The following TMPRSS11D variants were observed in gnomAD, a reference collection of about 807,000 sequenced individuals.
TMPRSS11D encodes the protein transmembrane protease serine 11D.
TMPRSS11D carries 32 observed loss-of-function variants against 44.4 expected under a neutral mutation model. That is an observed-to-expected ratio of 0.72 (90% CI 0.54 to 0.97). The LOEUF is 0.97. Among genes scored for constraint, TMPRSS11D ranks in the 50% least tolerant of loss-of-function variants. The probability of loss-of-function intolerance (pLI) is 0.00; values close to 1 mark genes in which losing one functional copy is unlikely to be tolerated. For synonymous variants in TMPRSS11D, 179 were observed against 177.9 expected (o/e 1.01, Z -0.05); for missense variants, 446 against 502.6 (o/e 0.89, Z 1.08).
intron 3 of TMPRSS11D, among the ~76,000 whole-genome samples, chr4:67,845,645 C>A (rs1420020590): frequency 6.6e-6 from 1 of 152,080 alleles, no homozygotes; most frequent in Admixed American, 6.6e-5. Flanking sequence ...TATTTTGTAA[C>A]CTGTACTGCT....
At chr4:67,857,298 TATATATATATATATATATATATATAC>T (rs1481394379) in intron 2 of TMPRSS11D, among the ~76,000 whole-genome samples, 10 of 2,796 alleles carry the variant, frequency 3.6e-3, no homozygotes, top group African/African-American at 4.5e-3. Flanking sequence ...TATATATATA[TATATATATATATATATATATATATAC>T]ACACACACAC....
intron 7 of TMPRSS11D, 132 bp from the exon 8 acceptor site, chr4:67,827,652 C>T: frequency 9.8e-7 from 1 of 1,019,054 alleles, no homozygotes; most frequent in Non-Finnish European, 1.4e-6. Context: ...TATTTTCCTG[C>T]ATTATAAGCT....
At chr4:67,858,564 A>G (rs1236640997) in intron 2 of TMPRSS11D, among the ~76,000 whole-genome samples, 1 of 152,144 alleles carries the variant, frequency 6.6e-6, no homozygotes, top group Admixed American at 6.6e-5. Flanking sequence ...TTATTGCACC[A>G]TTGGAAGTAT....
At chr4:67,877,516 C>T (rs914083737) in intron 1 of TMPRSS11D, among the ~76,000 whole-genome samples, 1 of 152,138 alleles carries the variant, frequency 6.6e-6, no homozygotes, top group Non-Finnish European at 1.5e-5. Context: ...CTACAATATC[C>T]AGCTGTATCT....
intron 2 of TMPRSS11D, among the ~76,000 whole-genome samples, chr4:67,858,805 C>T (rs988818266): frequency 1.3e-5 from 2 of 152,048 alleles, no homozygotes; most frequent in African/African-American, 4.8e-5. Context: ...AAATTTGACA[C>T]ATTTTACATA....
At chr4:67,834,407 G>A (rs1444873399) in intron 6 of TMPRSS11D, among the ~76,000 whole-genome samples, 16 of 152,078 alleles carry the variant, frequency 1.1e-4, no homozygotes, top group Admixed American at 9.8e-4. Context: ...AATTAAATAC[G>A]TAGTGAAGCT....
At chr4:67,867,011 G>A (rs1268413366) in intron 1 of TMPRSS11D, among the ~76,000 whole-genome samples, 2 of 151,464 alleles carry the variant, frequency 1.3e-5, no homozygotes, top group African/African-American at 4.9e-5. Flanking sequence ...CAAAAAAAGA[G>A]CCAAAGAGCC....
At chr4:67,874,751 G>T (rs1458165299) in intron 1 of TMPRSS11D, among the ~76,000 whole-genome samples, 1 of 152,174 alleles carries the variant, frequency 6.6e-6, no homozygotes. Flanking sequence ...CAGAGGAGAT[G>T]ATAGAGTAGG....
chr4:67,827,271 T>C lies in TMPRSS11D; in HGVS notation c.942A>G (p.Gln314=), dbSNP rs202115417. Residue 314 remains glutamine (Q), a synonymous_variant, in exon 8 of 10, where the codon CAA becomes CAG. Coordinates refer to ENST00000283916, the MANE Select transcript of TMPRSS11D (RefSeq NM_004262.3). ...TTCCGAGACACTTACCAGCATATTCTTGAGCGCCCCATCCTGTTACATAAG... is the reference window on the plus strand; with the variant it reads ...TTCCGAGACACTTACCAGCATATTCCTGAGCGCCCCATCCTGTTACATAAG... ...STAYVTGWGA[Q]EYAGHTVPEL... 1.4e-5 allele frequency: 23 copies of C among 1,601,776 alleles called. No individual in the cohort carries two copies. Among genetic ancestry groups the C allele is most frequent in the Non-Finnish European group, 2.6e-6 (3 of 1,176,360 alleles).
At chr4:67,864,697 T>C (rs992304594) in intron 1 of TMPRSS11D, among the ~76,000 whole-genome samples, 1 of 151,656 alleles carries the variant, frequency 6.6e-6, no homozygotes, top group South Asian at 2.1e-4. Flanking sequence ...TCCACACAGA[T>C]GAAAACCAAA....
chr4:67,867,596 G>A (rs1322777192), intron 1 of TMPRSS11D, among the ~76,000 whole-genome samples: 2 of 152,006 alleles, frequency 1.3e-5, no homozygotes, highest in African/African-American at 4.8e-5. Context: ...AAACACTAAT[G>A]TCTAGAATCT....
At chr4:67,845,951 G>A (rs1435315724) in intron 3 of TMPRSS11D, among the ~76,000 whole-genome samples, 1 of 152,058 alleles carries the variant, frequency 6.6e-6, no homozygotes, top group Non-Finnish European at 1.5e-5. Context: ...CAATAGAAAG[G>A]TCTTATTAGT....
At chr4:67,836,650 A>G (rs58942018) in intron 5 of TMPRSS11D, among the ~76,000 whole-genome samples, 27,352 of 152,078 alleles carry the variant, frequency 0.18, 2,615 homozygotes, top group East Asian at 0.33. Context: ...GGACAATAAA[A>G]CTATCTATGG....
At chr4:67,864,898 TAGAC>T (rs891432976) in intron 1 of TMPRSS11D, among the ~76,000 whole-genome samples, 8 of 151,672 alleles carry the variant, frequency 5.3e-5, no homozygotes, top group African/African-American at 1.9e-4. Flanking sequence ...ACTTAAGAGA[TAGAC>T]AGGAATACAA....
At chr4:67,864,175 A>G (rs1044350560) in intron 1 of TMPRSS11D, among the ~76,000 whole-genome samples, 11 of 152,010 alleles carry the variant, frequency 7.2e-5, no homozygotes, top group African/African-American at 2.7e-4. Flanking sequence ...ATTCAGTATT[A>G]CCTGTTTACC....
intron 6 of TMPRSS11D, among the ~76,000 whole-genome samples, chr4:67,834,101 C>T (rs745944403): frequency 2.6e-5 from 4 of 152,114 alleles, no homozygotes; most frequent in Non-Finnish European, 5.9e-5. Context: ...AGAGCTGAAA[C>T]GGGCTGGGGT....
At chr4:67,874,955 T>C (rs943331110) in intron 1 of TMPRSS11D, among the ~76,000 whole-genome samples, 3 of 152,188 alleles carry the variant, frequency 2.0e-5, no homozygotes, top group Non-Finnish European at 4.4e-5. Flanking sequence ...CCAAACCCAA[T>C]ATTAGTTCTT....
intron 5 of TMPRSS11D, 142 bp downstream of exon 5, chr4:67,838,030 G>T: frequency 1.7e-6 from 1 of 588,322 alleles, no homozygotes; most frequent in Non-Finnish European, 2.7e-6. Flanking sequence ...GAGCTATATG[G>T]TATATTTAGC....
chr4:67,833,191 G>A lies in TMPRSS11D; in HGVS notation c.692+13C>T, dbSNP rs1382422697. ...CTAATTGTTCCCAGATGGGTAGGTA[G>A]TGGTGGCCTCACCTTCTGAAGCAGT... On this transcript the variant is annotated intron_variant, in intron 7 of 9. Coordinates refer to ENST00000283916, the MANE Select transcript of TMPRSS11D (RefSeq NM_004262.3). 2.0e-5 allele frequency: 29 copies of A among 1,451,294 alleles called. No individual in the cohort carries two copies. Among genetic ancestry groups the A allele is most frequent in the Non-Finnish European group, 2.6e-5 (29 of 1,095,324 alleles). 89.9% of individuals were successfully genotyped at this position (1,451,294 alleles called of 1,614,324 possible).
Sources: allele counts gnomAD v4.1 joint callset (sites outside exome capture counted in the v4.1 genomes callset), GRCh38; gene constraint gnomAD v4.1.1; transcripts MANE v1.5; gene names NCBI Gene and HGNC (gene_info 2026-07-23, HGNC 2026-07-21).